The following COMMD1 variants were observed in gnomAD, a reference collection of about 807,000 sequenced individuals.
COMMD1 encodes the protein copper metabolism domain containing 1, also known as COMM domain-containing protein 1.
In COMMD1, 10 loss-of-function variants were observed where a neutral mutation model predicts 17.2. That is an observed-to-expected ratio of 0.58 (90% CI 0.36 to 0.99). COMMD1 has a LOEUF of 0.99. Among genes scored for constraint, COMMD1 ranks in the 50% least tolerant of loss-of-function variants. The pLI, the probability that COMMD1 is intolerant of heterozygous loss-of-function variation, is 0.01. For synonymous variants in COMMD1, 97 were observed against 91.6 expected (o/e 1.06, Z -0.34); for missense variants, 270 against 231.8 (o/e 1.17, Z -1.07).
intron 1 of COMMD1, among the ~76,000 whole-genome samples, chr2:61,895,727 C>G (rs186304327): frequency 5.2e-4 from 79 of 152,272 alleles, no homozygotes; most frequent in Non-Finnish European, 8.8e-4. Context: ...TCTTAACTAC[C>G]GTTAGGGCCA....
intron 1 of COMMD1, among the ~76,000 whole-genome samples, chr2:61,907,534 T>C (rs989217559): frequency 2.6e-5 from 4 of 152,118 alleles, no homozygotes; most frequent in Non-Finnish European, 5.9e-5. Context: ...TTCTGCAGGC[T>C]AAGAAGAGAC....
upstream of COMMD1, among the ~76,000 whole-genome samples, chr2:61,904,055 C>T (rs987752955): frequency 5.3e-5 from 8 of 152,076 alleles, no homozygotes; most frequent in African/African-American, 1.4e-4. Flanking sequence ...TTCACCCAGG[C>T]GACAGAGTGC....
chr2:62,129,342 A>T (rs1432553762), intron 2 of COMMD1, among the ~76,000 whole-genome samples: 1 of 152,242 alleles, frequency 6.6e-6, no homozygotes, highest in African/African-American at 2.4e-5. Context: ...CCCACAGGAC[A>T]TGGAATAAGA....
chr2:62,098,666 G>A (rs934874549), intron 2 of COMMD1, among the ~76,000 whole-genome samples: 2 of 152,206 alleles, frequency 1.3e-5, no homozygotes, highest in Non-Finnish European at 2.9e-5. Context: ...TTGTTTGGGC[G>A]TATTTTACAT....
chr2:61,891,814 T>C (rs1669438751), intron 1 of COMMD1, among the ~76,000 whole-genome samples: 1 of 151,660 alleles, frequency 6.6e-6, no homozygotes, highest in Non-Finnish European at 1.5e-5. Flanking sequence ...TTTTAAAACT[T>C]TCTGATATTT....
chr2:61,975,525 A>T (rs1671777656), intron 1 of COMMD1, among the ~76,000 whole-genome samples: 1 of 152,176 alleles, frequency 6.6e-6, no homozygotes, highest in African/African-American at 2.4e-5. Context: ...CATTTTTGTC[A>T]ACATTTGGTG....
chr2:61,988,066 T>A (rs1672151590), intron 1 of COMMD1, among the ~76,000 whole-genome samples: 1 of 152,156 alleles, frequency 6.6e-6, no homozygotes, highest in African/African-American at 2.4e-5. Flanking sequence ...GGCATTGGGC[T>A]CCTTTCTGGG....
intron 2 of COMMD1, among the ~76,000 whole-genome samples, chr2:62,038,536 TATC>T (rs1670102396): frequency 6.6e-6 from 1 of 151,766 alleles, no homozygotes; most frequent in Non-Finnish European, 1.5e-5. Context: ...TTTTATTTTT[TATC>T]ATTTATTTAT....
chr2:62,012,270 TACACACACAC>T (rs57739132), intron 2 of COMMD1, among the ~76,000 whole-genome samples: 82 of 129,936 alleles, frequency 6.3e-4, no homozygotes, highest in African/African-American at 1.7e-3. Flanking sequence ...CACACACACA[TACACACACAC>T]ACACACACAC....
chr2:62,073,081 G>T (rs747924959), intron 2 of COMMD1, among the ~76,000 whole-genome samples: 1 of 152,328 alleles, frequency 6.6e-6, no homozygotes, highest in Middle Eastern at 3.4e-3. Context: ...TGTGTGGACC[G>T]CCACATGGGT....
intron 1 of COMMD1, among the ~76,000 whole-genome samples, chr2:61,945,509 C>A (rs970677841): frequency 1.3e-5 from 2 of 152,200 alleles, no homozygotes; most frequent in Non-Finnish European, 2.9e-5. Context: ...AGGTCAGGGG[C>A]ACTTGCACTC....
chr2:62,071,455 A>C (rs1263939393), intron 2 of COMMD1, among the ~76,000 whole-genome samples: 3 of 151,962 alleles, frequency 2.0e-5, no homozygotes, highest in Non-Finnish European at 4.4e-5. Context: ...TCTCTATTTC[A>C]TCTCGTGACT....
chr2:62,098,704 G>A (rs930981955), intron 2 of COMMD1, among the ~76,000 whole-genome samples: 8 of 152,296 alleles, frequency 5.3e-5, no homozygotes, highest in South Asian at 2.1e-4. Flanking sequence ...ATCTGTAACC[G>A]TGGAGAATAT....
chr2:62,135,989 A>T lies in COMMD1; in HGVS notation c.*48A>T. On this transcript the variant is annotated 3_prime_UTR_variant, in exon 3 of 3. Coordinates refer to ENST00000311832, the MANE Select transcript of COMMD1 (RefSeq NM_152516.4). ...AGTTGTTGAAACCAAGGTGTCCATG[A>T]TCCCTCCCCACTGACCTTTTCTAAG... The T allele has an allele frequency of 1.1e-6, 1 of 947,468 alleles. No individual in the cohort carries two copies. The highest frequency in any genetic ancestry group is 1.7e-6 in the Non-Finnish European group (1 of 572,940). 58.7% of individuals were successfully genotyped at this position (947,468 alleles called of 1,614,324 possible). A position where few individuals can be genotyped will look rare whatever the true frequency, so the allele number is the denominator to read the frequency against.
chr2:62,117,466 G>A (rs1434276570), intron 2 of COMMD1, among the ~76,000 whole-genome samples: 2 of 152,224 alleles, frequency 1.3e-5, no homozygotes, highest in Non-Finnish European at 2.9e-5. Context: ...AGTCAGGATT[G>A]TGAAACAGTT....
intron 1 of COMMD1, among the ~76,000 whole-genome samples, chr2:61,899,706 G>A (rs1669619309): frequency 6.6e-6 from 1 of 152,074 alleles, no homozygotes; most frequent in Admixed American, 6.6e-5. Context: ...GCAGAGTCTT[G>A]CTCTGTCGCC....
At chr2:62,044,942 A>G (rs1021852120) in intron 2 of COMMD1, among the ~76,000 whole-genome samples, 1 of 152,186 alleles carries the variant, frequency 6.6e-6, no homozygotes, top group Admixed American at 6.5e-5. Flanking sequence ...ACATTGGGGA[A>G]CTAAGATTGT....
intron 2 of COMMD1, among the ~76,000 whole-genome samples, chr2:62,024,927 T>A (rs1669714828): frequency 6.6e-6 from 1 of 152,210 alleles, no homozygotes. Flanking sequence ...CTGTGCAATC[T>A]TGATGCTTAA....
In COMMD1 at chr2:62,066,470, C is replaced by G. The variant is rs554646552; in HGVS notation, c.462+65488C>G. 3.4e-5 allele frequency among the ~76,000 whole-genome samples: 5 copies of G among 147,982 alleles called. No individual in the cohort carries two copies. In the South Asian group the frequency reaches 1.1e-3, roughly 32 times the overall value. On this transcript the variant is annotated intron_variant, in intron 2 of 2. Transcript: ENST00000311832. ...TTTTTTTTTGAGATGGAGTCTCGCT[C>G]TGTCACCCAGGCTGGAGTGCAGTGG...
Sources: allele counts gnomAD v4.1 joint callset (sites outside exome capture counted in the v4.1 genomes callset), GRCh38; gene constraint gnomAD v4.1.1; transcripts MANE v1.5; gene names NCBI Gene and HGNC (gene_info 2026-07-23, HGNC 2026-07-21).